TLN2: variants seen among roughly 807,000 people sequenced by gnomAD.
TLN2 encodes talin 2, also known as talin-2.
A neutral mutation model predicts 294.7 loss-of-function variants in TLN2; 118 were observed. The ratio of observed to expected loss-of-function variants is 0.40; its 90% CI spans 0.34 to 0.47. TLN2 has a LOEUF of 0.47. TLN2 is among the 20% of genes least tolerant of loss of function. TLN2 has a pLI of 0.84. For missense variants in TLN2, 3,083 were observed against 3,282.2 expected, an observed-to-expected ratio of 0.94 and a Z score of 1.48; for synonymous variants, 1,431 against 1,304.5, an observed-to-expected ratio of 1.10 and a Z score of -2.09.
chr15:62,700,182 G>C (rs1314497582), intron 16 of TLN2, among the ~76,000 whole-genome samples: 1 of 152,180 alleles, frequency 6.6e-6, no homozygotes, highest in Non-Finnish European at 1.5e-5. Flanking sequence ...AATTGGTAGA[G>C]TTTTAAAATA....
At chr15:62,503,541 G>T (rs1411106451) in intron 1 of TLN2, among the ~76,000 whole-genome samples, 1 of 152,142 alleles carries the variant, frequency 6.6e-6, no homozygotes, top group Non-Finnish European at 1.5e-5. Context: ...TTCTTTCTGT[G>T]GTGTGAAAAG....
At chr15:62,710,553 G>T (rs905623342) in intron 21 of TLN2, among the ~76,000 whole-genome samples, 1 of 152,190 alleles carries the variant, frequency 6.6e-6, no homozygotes, top group African/African-American at 2.4e-5. Context: ...AGTTGCAGAG[G>T]AAATATGGAG....
chr15:62,601,328 G>C (rs902879352), intron 2 of TLN2, among the ~76,000 whole-genome samples: 1 of 152,170 alleles, frequency 6.6e-6, no homozygotes, highest in Non-Finnish European at 1.5e-5. Flanking sequence ...TGCCAAGGTT[G>C]AGAAACCCCA....
intron 1 of TLN2, among the ~76,000 whole-genome samples, chr15:62,570,379 A>G (rs1297847495): frequency 1.3e-5 from 2 of 152,340 alleles, no homozygotes; most frequent in South Asian, 4.1e-4. Context: ...GTAGTCATTC[A>G]AATATCTAGA....
chr15:62,457,683 G>C (rs771415810), intron 1 of TLN2, among the ~76,000 whole-genome samples: 1 of 152,182 alleles, frequency 6.6e-6, no homozygotes, highest in Non-Finnish European at 1.5e-5. Flanking sequence ...ATAAAGCCAC[G>C]GCCAGCAGAG....
intron 18 of TLN2, 27 bp downstream of exon 18, chr15:62,702,227 C>CA (rs1225695869): frequency 6.4e-7 from 1 of 1,555,592 alleles, no homozygotes; most frequent in Admixed American, 1.9e-5. Flanking sequence ...AGCAATCACT[C>CA]AGGTTCTGAT....
At chr15:62,407,913 A>G (rs759267109) in intron 1 of TLN2, among the ~76,000 whole-genome samples, 1 of 149,758 alleles carries the variant, frequency 6.7e-6, no homozygotes, top group Non-Finnish European at 1.5e-5. Flanking sequence ...AGAGAGTGAG[A>G]CTCTGTCTCA....
chr15:62,513,688 A>T (rs1567046857), intron 1 of TLN2, among the ~76,000 whole-genome samples: 1 of 152,248 alleles, frequency 6.6e-6, no homozygotes, highest in Non-Finnish European at 1.5e-5. Context: ...TAAAGGGTCT[A>T]GCAGAGTGTC....
rs192395980 is a variant in TLN2, at chr15:62,769,753, G to A, written c.5197-1211G>A. On this transcript the variant is annotated intron_variant, in intron 41 of 58. Transcript: ENST00000636159. ...CACAACACTCATTCTTCTAACATGTGATGGGAAGAAGCGTTAAGGGAGGTG... is the reference window on the plus strand; with the variant it reads ...CACAACACTCATTCTTCTAACATGTAATGGGAAGAAGCGTTAAGGGAGGTG... Among the ~76,000 whole-genome samples the A allele has an allele frequency of 4.7e-3, 714 of 152,120 alleles. 5 individuals are homozygous for A. Among genetic ancestry groups the A allele is most frequent in the Non-Finnish European group, 6.2e-3 (419 of 68,012 alleles).
intron 1 of TLN2, among the ~76,000 whole-genome samples, chr15:62,423,647 C>A (rs1279172302): frequency 6.6e-6 from 1 of 151,570 alleles, no homozygotes; most frequent in Non-Finnish European, 1.5e-5. Flanking sequence ...GTGGCATGAT[C>A]TCGGCTCACT....
chr15:62,642,855 C>G (rs1384332146), intron 3 of TLN2, among the ~76,000 whole-genome samples: 1 of 152,054 alleles, frequency 6.6e-6, no homozygotes, highest in Non-Finnish European at 1.5e-5. Context: ...GTGCCCACCA[C>G]CACGCCCAGC....
At chr15:62,707,378 G>A in intron 20 of TLN2, 125 bp downstream of exon 20, 1 of 1,139,842 alleles carries the variant, frequency 8.8e-7, no homozygotes, top group Non-Finnish European at 1.2e-6. Flanking sequence ...CTTCCTTAAA[G>A]TGTCTTAAGT....
chr15:62,792,283 T>G (rs777476519), intron 45 of TLN2, among the ~76,000 whole-genome samples: 17 of 152,222 alleles, frequency 1.1e-4, no homozygotes, highest in Non-Finnish European at 2.5e-4. Flanking sequence ...AGGGGCTCAG[T>G]AAATGCTTGT....
chr15:62,410,799 G>A (rs188285638), intron 1 of TLN2, among the ~76,000 whole-genome samples: 2 of 152,368 alleles, frequency 1.3e-5, no homozygotes, highest in East Asian at 1.9e-4. Context: ...TGCAGAGAGC[G>A]AAGGGGCTTG....
intron 1 of TLN2, among the ~76,000 whole-genome samples, chr15:62,564,204 C>T (rs2043201633): frequency 6.6e-6 from 1 of 152,200 alleles, no homozygotes; most frequent in Admixed American, 6.5e-5. Flanking sequence ...ACACAGCTTG[C>T]AGGAGGCAGG....
At chr15:62,437,538 G>T (rs558897495) in intron 1 of TLN2, among the ~76,000 whole-genome samples, 2 of 152,192 alleles carry the variant, frequency 1.3e-5, no homozygotes, top group East Asian at 3.9e-4. Context: ...ACACCTGGCT[G>T]AAAGGTGCTA....
Position 62,750,441 on chromosome 15 carries a change from A to G in TLN2, c.4159A>G (p.Ser1387Gly). ...GTTGGACAATCCTAATGAACCTGTT[A>G]GTGACCTCTCTTACTTTGACTGCAT... ...GMLDNPNEPV[S>G]DLSYFDCIES... The change falls in exon 34 of 59, where the codon AGT (serine) becomes GGT (glycine). Residue 1387 changes from serine to glycine, a missense_variant. By Grantham distance (56) the Ser-to-Gly change is moderately conservative. Transcript: ENST00000636159. 1.9e-6 allele frequency: 3 copies of G among 1,614,234 alleles called. No homozygotes were observed.
At position 62,729,523 on chromosome 15, in the gene TLN2, A is replaced by C. The variant is rs2060606672; in HGVS notation, c.3358+2334A>C. 2.0e-5 allele frequency among the ~76,000 whole-genome samples: 3 copies of C among 149,620 alleles called. No individual in the cohort carries two copies. In the South Asian group the frequency reaches 6.5e-4, roughly 33 times the overall value. On this transcript the variant is annotated intron_variant, in intron 28 of 58. Coordinates refer to ENST00000636159, the MANE Select transcript of TLN2 (RefSeq NM_015059.3). ...ATTTATTTAGGTCTTCTTTTCTCTC[A>C]GTACAGTTTTATGGTTTTCTGCATA...
In TLN2 at chr15:62,702,147, C is replaced by G. The variant is rs898778511; in HGVS notation, c.1852C>G (p.Leu618Val). The G allele has an allele frequency of 6.2e-7, 1 of 1,613,080 alleles. No homozygotes were observed. The highest frequency in any genetic ancestry group is 8.5e-7 in the Non-Finnish European group (1 of 1,179,644). ...GEDLLRAART[L>V]AGAVSDLLKA... ...GGACTTGCTCAGAGCTGCCAGGACC[C>G]TCGCTGGGGCGGTGTCAGACTTGCT... Residue 618 changes from leucine (L) to valine (V), a missense_variant, in exon 18 of 59, where the codon CTC becomes GTC. Physicochemically the swap from Leu to Val is conservative, Grantham distance 32. Transcript: ENST00000636159.
Sources: gnomAD v4.1 joint callset for allele counts (sites outside exome capture counted in the v4.1 genomes callset) on GRCh38, gnomAD v4.1.1 for gene constraint, MANE v1.5 for transcripts, NCBI Gene and HGNC (gene_info 2026-07-23, HGNC 2026-07-21) for gene names.